CADM2: variants seen among roughly 807,000 people sequenced by gnomAD.
CADM2 encodes the protein immunoglobulin superfamily member 4D.
CADM2 carries 12 observed loss-of-function variants against 49.8 expected under a neutral mutation model. The observed-to-expected ratio is 0.24, with a 90% CI of 0.15 to 0.39. CADM2 has a LOEUF of 0.39. Ranked by LOEUF, CADM2 falls within the 10% of genes least tolerant of loss-of-function variation. CADM2 has a pLI of 1.00. For missense variants in CADM2, 378 were observed against 492.3 expected, an observed-to-expected ratio of 0.77 and a Z score of 2.20; for synonymous variants, 214 against 175.4, an observed-to-expected ratio of 1.22 and a Z score of -1.74.
chr3:85,929,052 T>TA (rs1720272945), intron 6 of CADM2, among the ~76,000 whole-genome samples: 1 of 152,134 alleles, frequency 6.6e-6, no homozygotes, highest in East Asian at 1.9e-4. Flanking sequence ...CTAGAATAAA[T>TA]AGCAGTCGTA....
intron 1 of CADM2, among the ~76,000 whole-genome samples, chr3:85,548,589 T>C (rs1389319225): frequency 2.0e-5 from 3 of 152,140 alleles, no homozygotes; most frequent in African/African-American, 4.8e-5. Flanking sequence ...CCTGGCTGTC[T>C]GGAATGTGTA....
intron 1 of CADM2, among the ~76,000 whole-genome samples, chr3:85,273,965 A>G (rs544389885): frequency 1.6e-4 from 25 of 151,530 alleles, no homozygotes; most frequent in Admixed American, 4.0e-4. Flanking sequence ...AGCAGGAGCA[A>G]CCAGTGAGGG....
chr3:85,105,178 A>T (rs896488590), intron 1 of CADM2, among the ~76,000 whole-genome samples: 2 of 152,012 alleles, frequency 1.3e-5, no homozygotes, highest in African/African-American at 4.8e-5. Context: ...ATGGGAGAAA[A>T]TTTTTGCAAC....
intron 1 of CADM2, among the ~76,000 whole-genome samples, chr3:85,244,418 A>G (rs191423145): frequency 3.7e-4 from 56 of 152,262 alleles, no homozygotes; most frequent in African/African-American, 1.3e-3. Context: ...TTCTATTTAT[A>G]TGTATTTGAG....
chr3:85,098,565 T>C (rs2037891393), intron 1 of CADM2, among the ~76,000 whole-genome samples: 1 of 152,172 alleles, frequency 6.6e-6, no homozygotes, highest in Non-Finnish European at 1.5e-5. Flanking sequence ...TATCTCCTTA[T>C]TTTCTAGAAG....
chr3:85,274,625 G>T lies in CADM2; in HGVS notation c.61+314957G>T, dbSNP rs574576420. ...TCCATTAAAGCATCATCTATCTAATGCCATTATTTTAGAATAGGACATCTT... is the reference window on the plus strand; with the variant it reads ...TCCATTAAAGCATCATCTATCTAATTCCATTATTTTAGAATAGGACATCTT... On this transcript the variant is annotated intron_variant, in intron 1 of 9. Transcript: ENST00000383699. 3.3e-5 allele frequency among the ~76,000 whole-genome samples: 5 copies of T among 151,472 alleles called. No homozygotes were observed. The South Asian group carries it at 1.0e-3, about 31-fold the overall frequency.
intron 1 of CADM2, among the ~76,000 whole-genome samples, chr3:85,557,177 A>G (rs2061980930): frequency 6.6e-6 from 1 of 152,074 alleles, no homozygotes; most frequent in Non-Finnish European, 1.5e-5. Flanking sequence ...GAAGTGATAA[A>G]TAAAAATAAG....
chr3:85,221,332 CTCTA>C (rs2042039979), intron 1 of CADM2, among the ~76,000 whole-genome samples: 1 of 152,080 alleles, frequency 6.6e-6, no homozygotes, highest in South Asian at 2.1e-4. Flanking sequence ...TGCTAGTAAT[CTCTA>C]TCTTTTTAGT....
At chr3:85,867,639 G>A (rs1051018069) in intron 3 of CADM2, among the ~76,000 whole-genome samples, 4 of 133,106 alleles carry the variant, frequency 3.0e-5, no homozygotes, top group African/African-American at 1.1e-4. Flanking sequence ...CAAGCATAGT[G>A]AATGTTATTA....
chr3:85,341,609 A>C (rs746035882), intron 1 of CADM2, among the ~76,000 whole-genome samples: 6 of 151,986 alleles, frequency 3.9e-5, no homozygotes, highest in Non-Finnish European at 8.8e-5. Flanking sequence ...TTAGCTTAAA[A>C]ATGAACTAGA....
intron 1 of CADM2, among the ~76,000 whole-genome samples, chr3:85,003,916 A>G (rs1280018132): frequency 6.6e-6 from 1 of 152,118 alleles, no homozygotes. Flanking sequence ...GTTGATAAGA[A>G]GCTAATTTAA....
intron 1 of CADM2, among the ~76,000 whole-genome samples, chr3:85,290,725 G>C (rs919830516): frequency 6.6e-6 from 1 of 152,132 alleles, no homozygotes; most frequent in African/African-American, 2.4e-5. Flanking sequence ...GCAGCTGAGG[G>C]TCCTGTCTGT....
chr3:85,172,931 T>C (rs1301226657), intron 1 of CADM2, among the ~76,000 whole-genome samples: 1 of 146,872 alleles, frequency 6.8e-6, no homozygotes, highest in African/African-American at 2.5e-5. Context: ...TAATATATAA[T>C]ATATTATATA....
intron 1 of CADM2, among the ~76,000 whole-genome samples, chr3:85,215,737 A>C (rs2041910137): frequency 6.6e-6 from 1 of 152,104 alleles, no homozygotes; most frequent in South Asian, 2.1e-4. Context: ...TCCGGGACTC[A>C]AGTTCCTACT....
chr3:85,601,091 G>A (rs1284348332), intron 1 of CADM2, among the ~76,000 whole-genome samples: 1 of 141,780 alleles, frequency 7.1e-6, no homozygotes, highest in Non-Finnish European at 1.5e-5. Flanking sequence ...TATGTTAAGT[G>A]CAAAAAGTAA....
chr3:85,556,255 G>A (rs1325692880), intron 1 of CADM2, among the ~76,000 whole-genome samples: 2 of 151,994 alleles, frequency 1.3e-5, no homozygotes, highest in African/African-American at 2.4e-5. Flanking sequence ...TTTAGTATTC[G>A]TATGGGGGAG....
At chr3:85,683,835 A>G (rs920441251) in intron 1 of CADM2, among the ~76,000 whole-genome samples, 7 of 152,190 alleles carry the variant, frequency 4.6e-5, no homozygotes, top group Admixed American at 3.3e-4. Context: ...CTCCTACAAT[A>G]TGACTCCTAC....
intron 1 of CADM2, among the ~76,000 whole-genome samples, chr3:85,037,973 T>TC (rs1021592833): frequency 1.4e-5 from 2 of 143,836 alleles, no homozygotes; most frequent in African/African-American, 5.1e-5. Flanking sequence ...GCCGGAAAAC[T>TC]AAAAAAAAAA....
intron 1 of CADM2, among the ~76,000 whole-genome samples, chr3:85,713,983 A>C (rs1041480657): frequency 6.6e-6 from 1 of 152,186 alleles, no homozygotes; most frequent in Non-Finnish European, 1.5e-5. Context: ...AACATTCTGG[A>C]GGTCACATTT....
Sources: gnomAD v4.1 joint callset for allele counts (sites outside exome capture counted in the v4.1 genomes callset) on GRCh38, gnomAD v4.1.1 for gene constraint, MANE v1.5 for transcripts, NCBI Gene and HGNC (gene_info 2026-07-23, HGNC 2026-07-21) for gene names.